Variants in ZFPM2 observed in about 807,000 individuals in gnomAD.
ZFPM2 encodes zinc finger protein ZFPM2.
ZFPM2 carries 20 observed loss-of-function variants against 98.6 expected under a neutral mutation model. The observed-to-expected ratio is 0.20, with a 90% CI of 0.14 to 0.29. The LOEUF is 0.29. ZFPM2 is among the 10% of genes least tolerant of loss of function. ZFPM2 has a pLI of 1.00. For missense variants in ZFPM2, 1,310 were observed against 1,388.6 expected, an observed-to-expected ratio of 0.94 and a Z score of 0.90; for synonymous variants, 518 against 502.7, an observed-to-expected ratio of 1.03 and a Z score of -0.41.
At chr8:105,601,722 A>C (rs1816096196) in intron 4 of ZFPM2, among the ~76,000 whole-genome samples, 1 of 152,072 alleles carries the variant, frequency 6.6e-6, no homozygotes, top group Admixed American at 6.6e-5. Flanking sequence ...AAAGTCACAC[A>C]GTTGATGATG....
chr8:105,437,932 A>T (rs1406833992), intron 2 of ZFPM2, among the ~76,000 whole-genome samples: 1 of 152,036 alleles, frequency 6.6e-6, no homozygotes, highest in Non-Finnish European at 1.5e-5. Flanking sequence ...AATCCCAGCT[A>T]CTCAGGAGGC....
rs1358499081 is a variant in ZFPM2 at position 105,330,648 on chromosome 8, A to ATT, written c.40+11671_40+11672dup. On this transcript the variant is annotated intron_variant, in intron 1 of 7. Coordinates refer to ENST00000407775, the MANE Select transcript of ZFPM2 (RefSeq NM_012082.4). ...TATATATATACATATATATATATAT[A>ATT]TTTTTCAGGAATAGTGAGGAATCAA... 5.8e-3 allele frequency among the ~76,000 whole-genome samples: 786 copies of ATT among 135,176 alleles called. 4 individuals are homozygous for ATT. The highest frequency in any genetic ancestry group is 8.2e-3 in the Non-Finnish European group (523 of 63,684). 88.7% of individuals were successfully genotyped at this position (135,176 alleles called of 152,430 possible).
chr8:105,541,919 T>C (rs538269055), intron 3 of ZFPM2, among the ~76,000 whole-genome samples: 111 of 152,246 alleles, frequency 7.3e-4, no homozygotes, highest in African/African-American at 2.5e-3. Flanking sequence ...TTGCTAATTT[T>C]TTTAATGTAA....
chr8:105,796,529 T>C (rs918038615), intron 6 of ZFPM2, among the ~76,000 whole-genome samples: 130 of 152,352 alleles, frequency 8.5e-4, no homozygotes, highest in Non-Finnish European at 2.9e-4. Flanking sequence ...TAAAATTAAA[T>C]GTTAATTTGA....
At chr8:105,387,319 G>C (rs1468736440) in intron 1 of ZFPM2, 1 of 158,854 alleles carries the variant, frequency 6.3e-6, no homozygotes, top group African/African-American at 2.4e-5. Context: ...CCAGTCTCGT[G>C]CTGTGCGCCC....
At chr8:105,750,973 A>G (rs1158201945) in intron 5 of ZFPM2, among the ~76,000 whole-genome samples, 1 of 152,114 alleles carries the variant, frequency 6.6e-6, no homozygotes, top group Non-Finnish European at 1.5e-5. Flanking sequence ...AAGACCTGTA[A>G]TAACTGAATT....
intron 5 of ZFPM2, among the ~76,000 whole-genome samples, chr8:105,747,948 C>T (rs761004755): frequency 3.0e-4 from 46 of 152,048 alleles, no homozygotes; most frequent in Non-Finnish European, 1.0e-4. Flanking sequence ...AATCAACTTT[C>T]TTAGTTTACT....
chr8:105,796,530 GT>G (rs950909704), intron 6 of ZFPM2, among the ~76,000 whole-genome samples: 14 of 152,162 alleles, frequency 9.2e-5, no homozygotes, highest in Non-Finnish European at 1.9e-4. Flanking sequence ...AAAATTAAAT[GT>G]TAATTTGAAA....
chr8:105,595,589 CA>C (rs1437266956), intron 4 of ZFPM2, among the ~76,000 whole-genome samples: 1 of 152,044 alleles, frequency 6.6e-6, no homozygotes, highest in Non-Finnish European at 1.5e-5. Context: ...GTCATGAAAG[CA>C]TGAAACAAAG....
At chr8:105,484,631 C>A (rs905502414) in intron 3 of ZFPM2, among the ~76,000 whole-genome samples, 19 of 152,082 alleles carry the variant, frequency 1.2e-4, no homozygotes, top group African/African-American at 4.1e-4. Context: ...AGAATAGTGC[C>A]ACACTGCCTG....
intron 1 of ZFPM2, among the ~76,000 whole-genome samples, chr8:105,333,441 C>T (rs1404588262): frequency 6.6e-6 from 1 of 151,692 alleles, no homozygotes; most frequent in Non-Finnish European, 1.5e-5. Context: ...TATGCATTAG[C>T]TTAGTTTTAT....
chr8:105,351,238 G>C (rs528886412), intron 1 of ZFPM2, among the ~76,000 whole-genome samples: 24 of 151,394 alleles, frequency 1.6e-4, no homozygotes, highest in Non-Finnish European at 3.1e-4. Context: ...CAATCCTCCT[G>C]TATACTTTAA....
At chr8:105,728,000 C>G (rs1811854668) in intron 5 of ZFPM2, among the ~76,000 whole-genome samples, 1 of 150,424 alleles carries the variant, frequency 6.6e-6, no homozygotes, top group Non-Finnish European at 1.5e-5. Flanking sequence ...GCTGAAGTGT[C>G]AGATTCACGG....
chr8:105,567,750 G>A (rs779879935), intron 4 of ZFPM2, among the ~76,000 whole-genome samples: 21 of 151,962 alleles, frequency 1.4e-4, no homozygotes, highest in Non-Finnish European at 2.8e-4. Context: ...TCTACTACTG[G>A]TACATAATCG....
intron 4 of ZFPM2, among the ~76,000 whole-genome samples, chr8:105,573,192 ATCCC>A (rs1339603713): frequency 6.6e-6 from 1 of 152,128 alleles, no homozygotes; most frequent in Non-Finnish European, 1.5e-5. Context: ...GGCAGCTGGC[ATCCC>A]TCTGAGCAAG....
chr8:105,792,853 C>A (rs1813662660), intron 6 of ZFPM2, among the ~76,000 whole-genome samples: 1 of 152,154 alleles, frequency 6.6e-6, no homozygotes, highest in African/African-American at 2.4e-5. Context: ...CCTTCTTTGT[C>A]TCTTTTGATC....
intron 4 of ZFPM2, among the ~76,000 whole-genome samples, chr8:105,615,706 A>T (rs1197161323): frequency 2.6e-5 from 4 of 152,130 alleles, no homozygotes; most frequent in Non-Finnish European, 5.9e-5. Flanking sequence ...ATGAAAACTT[A>T]GAGTCAGAAG....
chr8:105,787,977 A>C (rs1389695205), intron 5 of ZFPM2, among the ~76,000 whole-genome samples: 1 of 152,230 alleles, frequency 6.6e-6, no homozygotes, highest in Non-Finnish European at 1.5e-5. Context: ...AGTATATCTC[A>C]GTGTTTGAAG....
intron 5 of ZFPM2, among the ~76,000 whole-genome samples, chr8:105,727,648 C>G (rs1480909961): frequency 1.3e-5 from 2 of 151,640 alleles, no homozygotes; most frequent in South Asian, 2.1e-4. Flanking sequence ...GTTCAGGTTA[C>G]AAACTAATTA....
Sources: gnomAD v4.1 joint callset for allele counts (sites outside exome capture counted in the v4.1 genomes callset) on GRCh38, gnomAD v4.1.1 for gene constraint, MANE v1.5 for transcripts, NCBI Gene and HGNC (gene_info 2026-07-23, HGNC 2026-07-21) for gene names.